TASP1: variants seen among roughly 807,000 people sequenced by gnomAD.
TASP1 encodes the protein threonine aspartase 1.
Under a neutral mutation model 56.6 loss-of-function variants are expected in TASP1, and 16 were observed. The ratio of observed to expected loss-of-function variants is 0.28; its 90% CI spans 0.19 to 0.43. The LOEUF is 0.43. TASP1 is among the 20% of genes least tolerant of loss of function. The pLI, the probability that TASP1 is intolerant of heterozygous loss-of-function variation, is 1.00. For missense variants in TASP1, 393 were observed against 511.6 expected, an observed-to-expected ratio of 0.77 and a Z score of 2.24; for synonymous variants, 179 against 184.2, an observed-to-expected ratio of 0.97 and a Z score of 0.23.
At chr20:13,567,625 C>G (rs2046579004) in intron 7 of TASP1, among the ~76,000 whole-genome samples, 2 of 151,822 alleles carry the variant, frequency 1.3e-5, no homozygotes, top group African/African-American at 4.8e-5. Flanking sequence ...GAATTAAGAG[C>G]TTCCTTCCAA....
chr20:13,604,902 A>G (rs908866986), intron 4 of TASP1, among the ~76,000 whole-genome samples: 6 of 151,782 alleles, frequency 4.0e-5, no homozygotes, highest in African/African-American at 1.5e-4. Context: ...CAGACTCAGC[A>G]ATTCTATTCC....
At chr20:13,337,370 A>C in the TASP1 span, among the ~76,000 whole-genome samples, 4 of 152,200 alleles carry the variant, frequency 2.6e-5, no homozygotes, top group African/African-American at 4.8e-5. Flanking sequence ...TGCCCTTTGA[A>C]GTAAGCACTG....
At chr20:13,460,213 C>T (rs957860089) in intron 11 of TASP1, among the ~76,000 whole-genome samples, 1 of 152,162 alleles carries the variant, frequency 6.6e-6, no homozygotes, top group African/African-American at 2.4e-5. Flanking sequence ...CCTCTTACTG[C>T]TCATCGGAAG....
the TASP1 span, among the ~76,000 whole-genome samples, chr20:13,229,952 C>T: frequency 3.9e-5 from 6 of 152,166 alleles, no homozygotes; most frequent in South Asian, 6.2e-4. Context: ...CCACCTTGGT[C>T]GGCCACCTTG....
chr20:13,190,024 A>G, the TASP1 span, among the ~76,000 whole-genome samples: 2 of 152,222 alleles, frequency 1.3e-5, no homozygotes, highest in Admixed American at 1.3e-4. Flanking sequence ...GCTGGAGGCC[A>G]TTATTCTACA....
chr20:13,507,705 T>C (rs2044182353), intron 10 of TASP1, among the ~76,000 whole-genome samples: 2 of 152,070 alleles, frequency 1.3e-5, no homozygotes, highest in Admixed American at 1.3e-4. Context: ...TCAATGATGT[T>C]TTTCACAGAA....
rs2041835067 is a variant in TASP1, at chr20:13,404,163, C to T, written c.1170+13285G>A. ...CTTAGTTGGGCCAGTTATTAAACTT[C>T]ATATAAATAGAATAATTCACTTAGT... On this transcript the variant is annotated intron_variant, in intron 13 of 13. Transcript: ENST00000337743. 2.0e-5 allele frequency among the ~76,000 whole-genome samples: 3 copies of T among 152,278 alleles called. No individual in the cohort carries two copies. The South Asian group carries it at 6.2e-4, about 32-fold the overall frequency.
intron 11 of TASP1, among the ~76,000 whole-genome samples, chr20:13,446,309 G>A (rs1428815305): frequency 6.6e-6 from 1 of 152,048 alleles, no homozygotes; most frequent in Non-Finnish European, 1.5e-5. Flanking sequence ...GACCAGGTAT[G>A]TTCATCATTT....
chr20:13,453,871 G>C (rs2043724346), intron 11 of TASP1, among the ~76,000 whole-genome samples: 1 of 152,028 alleles, frequency 6.6e-6, no homozygotes, highest in African/African-American at 2.4e-5. Flanking sequence ...GAGGGAGGCT[G>C]ATAGGGCCAA....
At chr20:13,143,964 C>T in the TASP1 span, among the ~76,000 whole-genome samples, 4 of 152,210 alleles carry the variant, frequency 2.6e-5, no homozygotes, top group Non-Finnish European at 4.4e-5. Context: ...GATCCATGCA[C>T]TATACACTAT....
intron 13 of TASP1, among the ~76,000 whole-genome samples, chr20:13,407,638 T>C (rs1270337301): frequency 6.6e-6 from 1 of 152,228 alleles, no homozygotes; most frequent in African/African-American, 2.4e-5. Context: ...GTTTAACTTT[T>C]TGAGGAACTG....
intron 13 of TASP1, among the ~76,000 whole-genome samples, chr20:13,400,727 TAGAG>T (rs781186992): frequency 9.9e-5 from 15 of 152,106 alleles, no homozygotes; most frequent in African/African-American, 2.7e-4. Context: ...GAAATGTAAA[TAGAG>T]AGAACAGCGC....
At chr20:13,274,370 G>A in the TASP1 span, among the ~76,000 whole-genome samples, 3 of 152,112 alleles carry the variant, frequency 2.0e-5, no homozygotes, top group African/African-American at 4.8e-5. Context: ...CCCTCTCCCT[G>A]GGTAGCAGAG....
the TASP1 span, among the ~76,000 whole-genome samples, chr20:13,193,503 A>T: frequency 6.6e-6 from 1 of 152,182 alleles, no homozygotes; most frequent in Admixed American, 6.5e-5. Context: ...TAGAGCAAAA[A>T]CATGAAATAG....
At position 13,483,255 on chromosome 20, in the gene TASP1, C is replaced by A. The variant is rs200612567; in HGVS notation, c.957G>T (p.Leu319=). 3.7e-5 allele frequency: 59 copies of A among 1,595,984 alleles called. No homozygotes were observed. The East Asian group carries it at 1.3e-3, about 34-fold the overall frequency. Residue 319 remains leucine, a synonymous_variant, in exon 11 of 14, where the codon CTG becomes CTT. Coordinates refer to ENST00000337743, the MANE Select transcript of TASP1 (RefSeq NM_017714.3). ...ALQAEDAHQA[L]LETMQNKFIS... ...TAAACTTGTTTTGCATAGTCTCCAA[C>A]AGGGCTTGGTGAGCATCCTCAGCTT...
chr20:13,184,146 C>T, the TASP1 span, among the ~76,000 whole-genome samples: 1 of 151,944 alleles, frequency 6.6e-6, no homozygotes, highest in South Asian at 2.1e-4. Flanking sequence ...AGGTGCCAAG[C>T]ACTGTTCTAG....
At chr20:13,573,869 T>C (rs1027848575) in intron 6 of TASP1, among the ~76,000 whole-genome samples, 4 of 152,214 alleles carry the variant, frequency 2.6e-5, no homozygotes, top group Admixed American at 2.6e-4. Context: ...GAGTTCACCT[T>C]CATTACTGCC....
the TASP1 span, among the ~76,000 whole-genome samples, chr20:13,148,988 C>T: frequency 6.6e-6 from 1 of 152,214 alleles, no homozygotes; most frequent in Admixed American, 6.5e-5. Context: ...CTCTAATTTA[C>T]AGCTAAAACT....
intron 8 of TASP1, among the ~76,000 whole-genome samples, chr20:13,547,365 G>C (rs1185978408): frequency 2.0e-5 from 3 of 152,136 alleles, no homozygotes; most frequent in Non-Finnish European, 4.4e-5. Flanking sequence ...CAAAGAAGTA[G>C]TTAATATTCC....
Sources: allele counts gnomAD v4.1 joint callset (sites outside exome capture counted in the v4.1 genomes callset), GRCh38; gene constraint gnomAD v4.1.1; transcripts MANE v1.5; gene names NCBI Gene and HGNC (gene_info 2026-07-23, HGNC 2026-07-21).